XNDC1N: variants seen among roughly 807,000 people sequenced by gnomAD.
XNDC1N encodes protein XNDC1N.
chr11:71,894,036 T>A, the XNDC1N span: 3 of 687,398 alleles, frequency 4.4e-6, no homozygotes, highest in African/African-American at 5.6e-5. Flanking sequence ...AACTTGCTTG[T>A]TCTGACAGCG....
the XNDC1N span, among the ~76,000 whole-genome samples, chr11:71,868,367 C>G: frequency 6.6e-6 from 1 of 152,122 alleles, no homozygotes; most frequent in African/African-American, 2.4e-5. Flanking sequence ...GTGTGTTGCT[C>G]TATAGTGTCA....
chr11:71,910,079 A>G, the XNDC1N span, among the ~76,000 whole-genome samples: 1 of 151,824 alleles, frequency 6.6e-6, no homozygotes, highest in Non-Finnish European at 1.5e-5. Context: ...TCCCCAGAGA[A>G]GCCCTTCAAG....
the XNDC1N span, among the ~76,000 whole-genome samples, chr11:71,902,301 C>G: frequency 6.6e-6 from 1 of 152,224 alleles, no homozygotes; most frequent in African/African-American, 2.4e-5. Flanking sequence ...AAGCCATTCT[C>G]CTGCCTCAGC....
the XNDC1N span, among the ~76,000 whole-genome samples, chr11:71,904,973 C>T: frequency 5.7e-4 from 86 of 151,968 alleles, no homozygotes; most frequent in African/African-American, 1.9e-3. Context: ...GGAGTAACAT[C>T]CCCCAAGGAT....
At chr11:71,919,016 T>C in the XNDC1N span, 77 of 702,738 alleles carry the variant, frequency 1.1e-4, 2 homozygotes, top group Middle Eastern at 0.013. Context: ...CTCTACAGGA[T>C]ACTTGGGATC....
chr11:71,872,088 A>G, the XNDC1N span, among the ~76,000 whole-genome samples: 1 of 152,232 alleles, frequency 6.6e-6, no homozygotes. Flanking sequence ...TCATAATAAA[A>G]AAGAACAAAT....
At chr11:71,927,016 G>A in the XNDC1N span, among the ~76,000 whole-genome samples, 1 of 152,144 alleles carries the variant, frequency 6.6e-6, no homozygotes, top group African/African-American at 2.4e-5. Context: ...TTGGGAGGCG[G>A]AGGCTCAGGA....
At chr11:71,928,463 C>A in the XNDC1N span, 1 of 702,416 alleles carries the variant, frequency 1.4e-6, no homozygotes, top group South Asian at 1.5e-5. Context: ...GCCTTCTGAC[C>A]CCGAGAGCTA....
chr11:71,922,174 T>C, the XNDC1N span, among the ~76,000 whole-genome samples: 223 of 152,214 alleles, frequency 1.5e-3, 2 homozygotes, highest in African/African-American at 4.1e-3. Flanking sequence ...AAGTAAAAAG[T>C]CTATGAAGCA....
chr11:71,875,303 G>A, the XNDC1N span, among the ~76,000 whole-genome samples: 2 of 151,948 alleles, frequency 1.3e-5, no homozygotes, highest in African/African-American at 4.8e-5. Context: ...TTAATGGAAA[G>A]TAAATAAACT....
At chr11:71,906,400 T>C in the XNDC1N span, among the ~76,000 whole-genome samples, 1 of 151,996 alleles carries the variant, frequency 6.6e-6, no homozygotes, top group Non-Finnish European at 1.5e-5. Context: ...AGAGTACAAT[T>C]GCACTAGGAT....
At chr11:71,912,440 C>A in the XNDC1N span, among the ~76,000 whole-genome samples, 1 of 152,098 alleles carries the variant, frequency 6.6e-6, no homozygotes, top group African/African-American at 2.4e-5. Context: ...GGGAAAGATA[C>A]CACAGTGCGG....
chr11:71,922,373 G>C, the XNDC1N span, among the ~76,000 whole-genome samples: 7 of 152,282 alleles, frequency 4.6e-5, no homozygotes, highest in Non-Finnish European at 8.8e-5. Flanking sequence ...CACAATCATG[G>C]CTCACTGTTA....
At chr11:71,894,397 G>A in the XNDC1N span, 2 of 278,994 alleles carry the variant, frequency 7.2e-6, no homozygotes, top group South Asian at 4.3e-5. Flanking sequence ...CAGAACAGTC[G>A]AATCTCATGA....
chr11:71,884,657 T>C, the XNDC1N span: 90 of 1,429,428 alleles, frequency 6.3e-5, no homozygotes, highest in Middle Eastern at 2.4e-4. Flanking sequence ...AAAATTATTA[T>C]AATTGCATGT....
the XNDC1N span, among the ~76,000 whole-genome samples, chr11:71,884,860 G>T: frequency 1.3e-5 from 2 of 148,620 alleles, no homozygotes; most frequent in Non-Finnish European, 3.0e-5. Flanking sequence ...CCTATCGCAG[G>T]GGGGTGAGGC....
the XNDC1N span, among the ~76,000 whole-genome samples, chr11:71,881,366 T>A: frequency 6.6e-6 from 1 of 152,206 alleles, no homozygotes; most frequent in Non-Finnish European, 1.5e-5. Flanking sequence ...AGGGTTATCA[T>A]AATAAAGTAC....
chr11:71,917,035 CAG>C, the XNDC1N span: 6 of 191,518 alleles, frequency 3.1e-5, no homozygotes, highest in South Asian at 4.8e-4. Context: ...TTATTTGAGA[CAG>C]AGTTTCACTC....
chr11:71,874,442 T>G, the XNDC1N span, among the ~76,000 whole-genome samples: 2 of 152,242 alleles, frequency 1.3e-5, no homozygotes, highest in African/African-American at 4.8e-5. Context: ...CGTTTTTGTT[T>G]TTTAACCCAA....
Sources: allele counts gnomAD v4.1 joint callset (sites outside exome capture counted in the v4.1 genomes callset), GRCh38; gene constraint gnomAD v4.1.1; transcripts MANE v1.5; gene names NCBI Gene and HGNC (gene_info 2026-07-23, HGNC 2026-07-21).